Variants in SORCS3 observed in about 807,000 individuals in gnomAD.
SORCS3 encodes VPS10 domain-containing receptor SorCS3.
Under a neutral mutation model 146.3 loss-of-function variants are expected in SORCS3, and 57 were observed. The observed-to-expected ratio is 0.39, with a 90% CI of 0.31 to 0.49. The LOEUF (loss-of-function observed/expected upper bound fraction) is 0.49, where lower values mean the gene tolerates loss of function less well. Ranked by LOEUF, SORCS3 falls within the 20% of genes least tolerant of loss-of-function variation. SORCS3 has a pLI of 0.92. For missense variants in SORCS3, 1,341 were observed against 1,575.5 expected (o/e 0.85, Z 2.52); for synonymous variants, 653 against 618.5 (o/e 1.06, Z -0.83).
intron 4 of SORCS3, among the ~76,000 whole-genome samples, chr10:105,035,217 C>G (rs934105463): frequency 6.6e-6 from 1 of 152,124 alleles, no homozygotes; most frequent in Non-Finnish European, 1.5e-5. Flanking sequence ...GTATTCTGAG[C>G]ATGGGTACAG....
intron 2 of SORCS3, among the ~76,000 whole-genome samples, chr10:104,913,788 T>TTC (rs2018995170): frequency 7.3e-6 from 1 of 137,872 alleles, no homozygotes; most frequent in African/African-American, 2.9e-5. Context: ...TTTTTTTTTT[T>TTC]CCGAGACGGA....
intron 20 of SORCS3, among the ~76,000 whole-genome samples, chr10:105,232,480 A>G (rs1239224378): frequency 6.6e-6 from 1 of 152,000 alleles, no homozygotes; most frequent in Non-Finnish European, 1.5e-5. Flanking sequence ...TGATATTTTC[A>G]AAGAACCAGA....
intron 1 of SORCS3, among the ~76,000 whole-genome samples, chr10:104,652,457 T>C (rs144553765): frequency 3.7e-4 from 57 of 152,264 alleles, no homozygotes; most frequent in Admixed American, 5.2e-4. Context: ...CATGGAAGCA[T>C]TTTGAAAAGA....
chr10:105,086,414 A>G (rs2055660978), intron 5 of SORCS3, among the ~76,000 whole-genome samples: 1 of 148,888 alleles, frequency 6.7e-6, no homozygotes. Context: ...TGGGTTCTCT[A>G]GAAGTATAAA....
chr10:104,970,571 G>A (rs1373711523), intron 3 of SORCS3, among the ~76,000 whole-genome samples: 3 of 152,132 alleles, frequency 2.0e-5, no homozygotes, highest in Non-Finnish European at 4.4e-5. Flanking sequence ...AGTGCCATGG[G>A]AAGAGGAAGT....
intron 2 of SORCS3, among the ~76,000 whole-genome samples, chr10:104,903,794 A>G (rs1023316724): frequency 1.3e-5 from 2 of 152,198 alleles, no homozygotes; most frequent in Non-Finnish European, 2.9e-5. Context: ...GCTACCTGGC[A>G]TATTTGATAT....
chr10:105,001,716 A>C (rs1419395573), intron 4 of SORCS3, among the ~76,000 whole-genome samples: 1 of 152,216 alleles, frequency 6.6e-6, no homozygotes, highest in Non-Finnish European at 1.5e-5. Flanking sequence ...AATTAAAAGA[A>C]GCAGTTTCGC....
Position 105,217,020 on chromosome 10 carries a change from G to A in SORCS3, c.2632G>A (p.Gly878Ser), listed in dbSNP as rs774096241. The change falls in exon 19 of 27, where the codon GGC becomes AGC. Residue 878 changes from glycine (G) to serine (S), a missense_variant. Transcript: ENST00000369701. ...SYANFSPIEDGIKHVYKSAGI... is the reference protein window; with the variant it reads ...SYANFSPIEDSIKHVYKSAGI... ...CGCAAACTTCAGCCCCATCGAGGACGGCATCAAGCACGTGTATAAGAGTGC... is the reference window on the plus strand; with the variant it reads ...CGCAAACTTCAGCCCCATCGAGGACAGCATCAAGCACGTGTATAAGAGTGC... 23 of 1,614,044 alleles carry A rather than the reference G, an allele frequency of 1.4e-5. No individual in the cohort carries two copies. In the East Asian group the frequency reaches 2.5e-4, roughly 17 times the overall value.
chr10:105,046,771 A>C (rs1477664713), intron 5 of SORCS3, among the ~76,000 whole-genome samples: 1 of 152,074 alleles, frequency 6.6e-6, no homozygotes, highest in Non-Finnish European at 1.5e-5. Flanking sequence ...CTCAGCCATC[A>C]ATCTCAGGCT....
chr10:104,951,102 T>C (rs1372384168), intron 3 of SORCS3, among the ~76,000 whole-genome samples: 1 of 152,222 alleles, frequency 6.6e-6, no homozygotes, highest in Non-Finnish European at 1.5e-5. Context: ...TTATGGATAA[T>C]TTCCTTCTTA....
chr10:105,183,192 G>A (rs1459109759), intron 14 of SORCS3, among the ~76,000 whole-genome samples: 2 of 152,148 alleles, frequency 1.3e-5, no homozygotes, highest in African/African-American at 2.4e-5. Flanking sequence ...GGTGAAAAGG[G>A]CTACAGATAC....
At chr10:104,927,218 A>G (rs1024410188) in intron 3 of SORCS3, among the ~76,000 whole-genome samples, 5 of 152,060 alleles carry the variant, frequency 3.3e-5, no homozygotes, top group African/African-American at 1.2e-4. Flanking sequence ...TTCCGTGTGA[A>G]CTCTGATTTG....
intron 5 of SORCS3, among the ~76,000 whole-genome samples, chr10:105,058,224 T>G (rs140507012): frequency 6.6e-6 from 1 of 152,256 alleles, no homozygotes; most frequent in Non-Finnish European, 1.5e-5. Context: ...CTGGAACCAG[T>G]CTGATCTATA....
Position 105,093,509 on chromosome 10 carries a change from G to T in SORCS3, c.1093+3670G>T, listed in dbSNP as rs139559042. On this transcript the variant is annotated intron_variant, in intron 6 of 26. Coordinates refer to ENST00000369701, the MANE Select transcript of SORCS3 (RefSeq NM_014978.3). ...ACATGCAAATCAATATCCAAGAAAGGACTTGTAGCCAGAACATATAAAGAA... is the reference window on the plus strand; with the variant it reads ...ACATGCAAATCAATATCCAAGAAAGTACTTGTAGCCAGAACATATAAAGAA... Among the ~76,000 whole-genome samples, 433 of 152,084 alleles carry T rather than the reference G, an allele frequency of 2.8e-3. 1 individual carries two copies. The highest frequency in any genetic ancestry group is 9.9e-3 in the African/African-American group (412 of 41,502).
rs779018603 is a variant in SORCS3, at chr10:105,245,545, C to A, written c.2872C>A (p.Leu958Ile). 6.2e-7 allele frequency: 1 copy of A among 1,614,112 alleles called. No individual in the cohort carries two copies. Among genetic ancestry groups the A allele is most frequent in the South Asian group, 1.1e-5 (1 of 91,078 alleles). The change falls in exon 21 of 27, where the codon CTC (leucine) becomes ATC (isoleucine). Residue 958 changes from leucine (L) to isoleucine (I), a missense_variant. By Grantham distance (5) the Leu-to-Ile change is conservative. Transcript: ENST00000369701. ...FWWFGNSTKP[L>I]ITLDSSISFT... ...GTATTGTTACTTCTTCTTGTAGCCT[C>A]TCATCACTTTGGACAGCAGCATTTC... is the stretch of plus-strand genomic sequence containing the variant.
intron 10 of SORCS3, among the ~76,000 whole-genome samples, chr10:105,157,962 T>G (rs1195972791): frequency 6.6e-6 from 1 of 152,222 alleles, no homozygotes; most frequent in East Asian, 1.9e-4. Flanking sequence ...CTCTTGCCAC[T>G]TATTCAGAAA....
In SORCS3 at chr10:104,982,746, G is replaced by T. The variant is rs140638070; in HGVS notation, c.954+5253G>T. ...ATCACCATAGAAACACCAGGAGGTAGAGCAACCACCTAATGGGTGTGGCCC... is the reference window on the plus strand; with the variant it reads ...ATCACCATAGAAACACCAGGAGGTATAGCAACCACCTAATGGGTGTGGCCC... On this transcript the variant is annotated intron_variant, in intron 4 of 26. Coordinates refer to ENST00000369701, the MANE Select transcript of SORCS3 (RefSeq NM_014978.3). 3.1e-3 allele frequency among the ~76,000 whole-genome samples: 469 copies of T among 152,298 alleles called. 2 individuals are homozygous for T. Among genetic ancestry groups the T allele is most frequent in the South Asian group, 0.019 (90 of 4,824 alleles).
At chr10:104,846,816 G>A (rs1021589980) in intron 2 of SORCS3, among the ~76,000 whole-genome samples, 1 of 152,170 alleles carries the variant, frequency 6.6e-6, no homozygotes, top group Non-Finnish European at 1.5e-5. Context: ...ATCATGTGTA[G>A]AGAGTTCATG....
chr10:105,083,266 T>A (rs894237297), intron 5 of SORCS3, among the ~76,000 whole-genome samples: 8 of 152,198 alleles, frequency 5.3e-5, no homozygotes, highest in African/African-American at 1.9e-4. Flanking sequence ...TAGGAGTTTT[T>A]TTTTTCAGGC....
Sources: allele counts gnomAD v4.1 joint callset (sites outside exome capture counted in the v4.1 genomes callset), GRCh38; gene constraint gnomAD v4.1.1; transcripts MANE v1.5; gene names NCBI Gene and HGNC (gene_info 2026-07-23, HGNC 2026-07-21).